Variants in ADCYAP1R1 observed in about 807,000 individuals in gnomAD.
ADCYAP1R1 encodes the protein pituitary adenylate cyclase-activating polypeptide type I receptor.
In ADCYAP1R1, 44 loss-of-function variants were observed where a neutral mutation model predicts 67.6. The ratio of observed to expected loss-of-function variants is 0.65; its 90% CI spans 0.51 to 0.84. The LOEUF (loss-of-function observed/expected upper bound fraction) is 0.84, where lower values mean the gene tolerates loss of function less well. Ranked by LOEUF, ADCYAP1R1 falls within the 40% of genes least tolerant of loss-of-function variation. The pLI is 0.00. For synonymous variants in ADCYAP1R1, 222 were observed against 219.6 expected, an observed-to-expected ratio of 1.01 and a Z score of -0.10; for missense variants, 477 against 587.9, an observed-to-expected ratio of 0.81 and a Z score of 1.95.
In ADCYAP1R1 at chr7:31,102,316, G is replaced by T. The variant is rs184286774; in HGVS notation, c.1047-921G>T. 8.7e-4 allele frequency among the ~76,000 whole-genome samples: 132 copies of T among 152,350 alleles called. No individual in the cohort carries two copies. The highest frequency in any genetic ancestry group is 3.0e-3 in the African/African-American group (125 of 41,592). ...CTGCGGGGCAGGCCACATCTGCAGG[G>T]CAGAGCTGGACTCTCTGGGGGAGAC... is the stretch of plus-strand genomic sequence containing the variant. On this transcript the variant is annotated intron_variant, in intron 13 of 15. Coordinates refer to ENST00000304166, the MANE Select transcript of ADCYAP1R1 (RefSeq NM_001118.5). This position sits in a 1 kb window ranked among gnomAD's most constrained non-coding sequence, Gnocchi z 4.3.
At chr7:31,053,633 T>G (rs2128610537) in intron 1 of ADCYAP1R1, among the ~76,000 whole-genome samples, 1 of 152,316 alleles carries the variant, frequency 6.6e-6, no homozygotes, top group Admixed American at 6.5e-5. Flanking sequence ...GGTGGGGTGG[T>G]GGACACCTGC....
Position 31,053,379 on chromosome 7 carries a change from T to C in ADCYAP1R1, c.-72+701T>C, listed in dbSNP as rs1021476643. Among the ~76,000 whole-genome samples, 14 of 152,294 alleles carry C rather than the reference T, an allele frequency of 9.2e-5. No homozygotes were observed. The East Asian group carries it at 2.7e-3, about 29-fold the overall frequency. ...ACGCACCGGCCTTCCCAGGTTGAAG[T>C]GGGCCCGCTGAGACCCCTGCCTGCC... On this transcript the variant is annotated intron_variant, in intron 1 of 15. Transcript: ENST00000304166.
At chr7:31,095,194 A>G (rs1796139619) in intron 13 of ADCYAP1R1, among the ~76,000 whole-genome samples, 1 of 152,198 alleles carries the variant, frequency 6.6e-6, no homozygotes, top group Non-Finnish European at 1.5e-5. Flanking sequence ...GAATAGGTAA[A>G]TCACTGTCAA....
chr7:31,068,320 A>T (rs1417822401), intron 3 of ADCYAP1R1, among the ~76,000 whole-genome samples: 1 of 152,166 alleles, frequency 6.6e-6, no homozygotes, highest in Non-Finnish European at 1.5e-5. Context: ...CTGCTTAGAC[A>T]CAGAGACGTT....
At chr7:31,084,957 C>T (rs533132275) in intron 8 of ADCYAP1R1, 123 bp downstream of exon 8, 206 of 953,698 alleles carry the variant, frequency 2.2e-4, no homozygotes, top group Middle Eastern at 6.8e-4. Flanking sequence ...GCATTTCTCC[C>T]ACCCCAAGGA....
At position 31,106,512 on chromosome 7, in the gene ADCYAP1R1, A is replaced by C; in HGVS notation, c.1235A>C (p.Lys412Thr). 1 of 1,610,268 alleles carries C rather than the reference A, an allele frequency of 6.2e-7. No homozygotes were observed. The highest frequency in any genetic ancestry group is 8.5e-7 in the Non-Finnish European group (1 of 1,178,020). ...FLNGEVQAEIKRKWRSWKVNR... is the reference protein window; with the variant it reads ...FLNGEVQAEITRKWRSWKVNR... ...TCCCTGCAGGTACAAGCGGAGATCA[A>C]GCGAAAATGGCGAAGCTGGAAGGTG... Residue 412 changes from lysine (K) to threonine (T), a missense_variant, in exon 16 of 16, where the codon AAG (lysine) becomes ACG (threonine). By Grantham distance (78) the Lys-to-Thr change is moderately conservative. Transcript: ENST00000304166.
chr7:31,092,270 T>G (rs1467783114), intron 12 of ADCYAP1R1, among the ~76,000 whole-genome samples: 2 of 151,632 alleles, frequency 1.3e-5, no homozygotes, highest in African/African-American at 4.8e-5. Flanking sequence ...ATTTGATGAC[T>G]CTGAACTTGG....
chr7:31,077,843 G>T, intron 3 of ADCYAP1R1, 148 bp from the exon 4 acceptor site: 1 of 538,314 alleles, frequency 1.9e-6, no homozygotes, highest in Non-Finnish European at 3.3e-6. Flanking sequence ...TTGGTGTTGT[G>T]TGTGTGTTGT....
chr7:31,081,773 G>A lies in ADCYAP1R1; in HGVS notation c.328+19G>A. 1.3e-6 allele frequency: 2 copies of A among 1,590,396 alleles called. No homozygotes were observed. Among genetic ancestry groups the A allele is most frequent in the South Asian group, 2.3e-5 (2 of 85,130 alleles). ...CTCTCAGGTAAGGGGTTAGGCTGGGGTTGACCATGGACTGGCTGGAGGGAG... is the reference window on the plus strand; with the variant it reads ...CTCTCAGGTAAGGGGTTAGGCTGGGATTGACCATGGACTGGCTGGAGGGAG... On this transcript the variant is annotated intron_variant, in intron 6 of 15. Coordinates refer to ENST00000304166, the MANE Select transcript of ADCYAP1R1 (RefSeq NM_001118.5).
At chr7:31,103,097 A>C in intron 13 of ADCYAP1R1, 140 bp from the exon 14 acceptor site, 3 of 1,199,954 alleles carry the variant, frequency 2.5e-6, no homozygotes, top group Non-Finnish European at 3.5e-6. Context: ...TTGTACTGGG[A>C]GAGAATGCTG....
At position 31,103,244 on chromosome 7, in the gene ADCYAP1R1, GC is replaced by G. The variant is rs1453400715; in HGVS notation, c.1057del (p.Arg353GlyfsTer51). On this transcript the variant is annotated frameshift_variant, in exon 14 of 16. Transcript: ENST00000304166. LOFTEE classifies it high-confidence loss of function. ...TTTGCTTTCCTCCGACAGGCGACTG[GC>G]CCGGTCCACCCTGCTGCTCATCCCA... ...GNESSIYLRL[A>X]RSTLLLIPLF... is the part of the protein sequence containing the mutation. 2 of 1,613,846 alleles carry G rather than the reference GC, an allele frequency of 1.2e-6. No individual in the cohort carries two copies. Among genetic ancestry groups the G allele is most frequent in the Non-Finnish European group, 1.7e-6 (2 of 1,179,926 alleles).
Position 31,085,400 on chromosome 7 carries a change from T to G in ADCYAP1R1, c.627T>G (p.Ile209Met), listed in dbSNP as rs764199361. 1.9e-6 allele frequency: 3 copies of G among 1,613,834 alleles called. No individual in the cohort carries two copies. The highest frequency in any genetic ancestry group is 2.5e-6 in the Non-Finnish European group (3 of 1,180,024). Residue 209 changes from isoleucine (I) to methionine (M), a missense_variant, in exon 9 of 16, where the codon ATT becomes ATG. By Grantham distance (10) the Ile-to-Met change is conservative. Coordinates refer to ENST00000304166, the MANE Select transcript of ADCYAP1R1 (RefSeq NM_001118.5). ...TCTCCGTCTTCATCAAAGACTGGAT[T>G]CTGTATGCGGAGCAGGACAGCAACC... ...RAISVFIKDWILYAEQDSNHC... is the reference protein window; with the variant it reads ...RAISVFIKDWMLYAEQDSNHC...
At chr7:31,053,729 C>T (rs1053772793) in intron 1 of ADCYAP1R1, among the ~76,000 whole-genome samples, 2 of 152,234 alleles carry the variant, frequency 1.3e-5, no homozygotes, top group African/African-American at 4.8e-5. Context: ...TCCCGCAAAG[C>T]CCCCCTGGCC....
At chr7:31,099,613 A>T (rs1175125570) in intron 13 of ADCYAP1R1, among the ~76,000 whole-genome samples, 1 of 152,176 alleles carries the variant, frequency 6.6e-6, no homozygotes, top group Admixed American at 6.5e-5. Flanking sequence ...GAGAGGGTAG[A>T]GGGGAAAGAC....
intron 4 of ADCYAP1R1, among the ~76,000 whole-genome samples, chr7:31,079,087 C>T (rs1306475354): frequency 1.3e-5 from 2 of 152,284 alleles, no homozygotes; most frequent in South Asian, 2.1e-4. Context: ...AGGCGATGCT[C>T]TACCCACAGG....
chr7:31,063,356 C>A (rs1794590963), intron 2 of ADCYAP1R1, 41 bp downstream of exon 2: 2 of 1,610,436 alleles, frequency 1.2e-6, no homozygotes, highest in Non-Finnish European at 1.7e-6. Context: ...CCCAGGCTCA[C>A]CTGAGTCCCC....
chr7:31,077,592 GATGTGTGTGTTGTGTGAAT>G (rs1237221019), intron 3 of ADCYAP1R1, among the ~76,000 whole-genome samples: 3 of 148,912 alleles, frequency 2.0e-5, no homozygotes, highest in Non-Finnish European at 4.5e-5. Flanking sequence ...ATGTGTGTGT[GATGTGTGTGTTGTGTGAAT>G]GTGTGTGTGT....
intron 3 of ADCYAP1R1, among the ~76,000 whole-genome samples, chr7:31,076,850 C>T (rs1462874981): frequency 6.6e-6 from 1 of 152,090 alleles, no homozygotes; most frequent in Non-Finnish European, 1.5e-5. Flanking sequence ...GTGGGACCCT[C>T]AGTGGTGGCT....
rs1343317949 is a variant in ADCYAP1R1 at position 31,103,195 on chromosome 7, C to T, written c.1047-42C>T. ...GCCCTCCGTGGCTCTGGCCCCGAGC[C>T]CTGGAAGTCCCCAGAGCAGATGTTT... On this transcript the variant is annotated intron_variant, in intron 13 of 15. Transcript: ENST00000304166. 5 of 1,604,688 alleles carry T rather than the reference C, an allele frequency of 3.1e-6. No individual in the cohort carries two copies. In the South Asian group the frequency reaches 3.3e-5, roughly 11 times the overall value.
Sources: allele counts gnomAD v4.1 joint callset (sites outside exome capture counted in the v4.1 genomes callset), GRCh38; gene constraint gnomAD v4.1.1; non-coding constraint Gnocchi (gnomAD v3.1); transcripts MANE v1.5; gene names NCBI Gene and HGNC (gene_info 2026-07-23, HGNC 2026-07-21).